Variants in TMEFF2 observed in about 807,000 individuals in gnomAD.
TMEFF2 encodes the protein transmembrane protein with EGF like and two follistatin like domains 2, also known as tomoregulin-2.
A neutral mutation model predicts 53.8 loss-of-function variants in TMEFF2; 28 were observed. The observed-to-expected ratio is 0.52, with a 90% CI of 0.39 to 0.71. The LOEUF (loss-of-function observed/expected upper bound fraction) is 0.71. Among genes scored for constraint, TMEFF2 ranks in the 30% least tolerant of loss-of-function variants. TMEFF2 has a pLI of 0.00. For missense variants in TMEFF2, 353 were observed against 455.2 expected, an observed-to-expected ratio of 0.78 and a Z score of 2.04; for synonymous variants, 162 against 166.3, an observed-to-expected ratio of 0.97 and a Z score of 0.20.
chr2:192,121,832 T>C (rs1356231122), intron 4 of TMEFF2, among the ~76,000 whole-genome samples: 1 of 152,144 alleles, frequency 6.6e-6, no homozygotes, highest in African/African-American at 2.4e-5. Flanking sequence ...ACAACAAGCA[T>C]AGGAGAGAAT....
At chr2:191,968,954 C>T (rs535681685) in intron 7 of TMEFF2, among the ~76,000 whole-genome samples, 1 of 152,226 alleles carries the variant, frequency 6.6e-6, no homozygotes, top group Admixed American at 6.5e-5. Flanking sequence ...GCCACCCAAG[C>T]CACCCAGAAG....
At chr2:191,996,350 A>G (rs2105832297) in intron 7 of TMEFF2, among the ~76,000 whole-genome samples, 1 of 152,104 alleles carries the variant, frequency 6.6e-6, no homozygotes, top group South Asian at 2.1e-4. Context: ...TAAAGAAGAT[A>G]TGCATAAATT....
chr2:192,191,184 C>T (rs1409890104), intron 2 of TMEFF2, among the ~76,000 whole-genome samples: 1 of 152,090 alleles, frequency 6.6e-6, no homozygotes, highest in African/African-American at 2.4e-5. Context: ...ATACTAATAA[C>T]CCAGTTTTGA....
At chr2:192,171,424 A>G (rs1292172930) in intron 4 of TMEFF2, among the ~76,000 whole-genome samples, 1 of 151,332 alleles carries the variant, frequency 6.6e-6, no homozygotes, top group African/African-American at 2.5e-5. Context: ...TTCTCAACAC[A>G]GCAGCCAGAG....
At chr2:192,128,901 C>T (rs1460603518) in intron 4 of TMEFF2, among the ~76,000 whole-genome samples, 5 of 152,182 alleles carry the variant, frequency 3.3e-5, no homozygotes, top group East Asian at 1.9e-4. Context: ...TGGCTTCCCC[C>T]GGGGAGGTAG....
chr2:192,184,401 T>C lies in TMEFF2; in HGVS notation c.365A>G (p.Lys122Arg), dbSNP rs1691261811. 1 of 1,613,470 alleles carries C rather than the reference T, an allele frequency of 6.2e-7. No homozygotes were observed. Among genetic ancestry groups the C allele is most frequent in the Admixed American group, 1.7e-5 (1 of 59,962 alleles). ...NECYLRQAAC[K>R]QQSEILVVSE... Reference sequence around the variant, plus strand: ...CACCACAAGTATCTCACTCTGCTGTTTGCATGCAGCCTGTCGCAGGTAACA... The same window carrying C: ...CACCACAAGTATCTCACTCTGCTGTCTGCATGCAGCCTGTCGCAGGTAACA... Residue 122 changes from lysine to arginine, a missense_variant, in exon 3 of 10, where the codon AAA (lysine) becomes AGA (arginine). Physicochemically the swap from Lys to Arg is conservative, Grantham distance 26. Around this residue, in one of 3 missense-constraint regions of TMEFF2, gnomAD observed 294 missense variants for 397.3 expected, o/e 0.74. Coordinates refer to ENST00000272771, the MANE Select transcript of TMEFF2 (RefSeq NM_016192.4).
At chr2:192,174,599 C>T (rs1471056182) in intron 4 of TMEFF2, among the ~76,000 whole-genome samples, 2 of 151,810 alleles carry the variant, frequency 1.3e-5, no homozygotes, top group African/African-American at 2.4e-5. Context: ...GATGGCTATA[C>T]GCTCATCTCC....
intron 4 of TMEFF2, among the ~76,000 whole-genome samples, chr2:192,103,152 G>A (rs185503460): frequency 7.2e-5 from 11 of 152,200 alleles, no homozygotes; most frequent in Middle Eastern, 3.4e-3. Flanking sequence ...TTCATCGAAC[G>A]TGGTACTTCT....
intron 5 of TMEFF2, among the ~76,000 whole-genome samples, chr2:192,045,133 T>G (rs949796196): frequency 1.3e-5 from 2 of 152,166 alleles, no homozygotes; most frequent in African/African-American, 4.8e-5. Context: ...CAGGCCTGAT[T>G]TACAGAAGAT....
At chr2:192,177,559 G>C (rs1216796509) in intron 4 of TMEFF2, 1 of 150,950 alleles carries the variant, frequency 6.6e-6, no homozygotes, top group African/African-American at 2.4e-5. Context: ...CAGAACTGCA[G>C]TTATTTAAAA....
intron 4 of TMEFF2, among the ~76,000 whole-genome samples, chr2:192,120,288 C>T (rs921295421): frequency 1.3e-5 from 2 of 152,126 alleles, no homozygotes; most frequent in Admixed American, 1.3e-4. Context: ...CCAGTTTCAG[C>T]CAGTTTGTAG....
intron 4 of TMEFF2, among the ~76,000 whole-genome samples, chr2:192,120,160 C>T (rs1197877105): frequency 2.6e-5 from 4 of 152,136 alleles, no homozygotes; most frequent in Non-Finnish European, 2.9e-5. Flanking sequence ...CACAGCCCTG[C>T]TAAATACCCT....
chr2:192,129,948 G>C (rs1689774482), intron 4 of TMEFF2, among the ~76,000 whole-genome samples: 1 of 152,110 alleles, frequency 6.6e-6, no homozygotes, highest in Admixed American at 6.5e-5. Flanking sequence ...CCTAGCATAG[G>C]TCACTTAGCT....
chr2:192,036,835 A>T (rs140728071), intron 5 of TMEFF2: 7 of 152,202 alleles, frequency 4.6e-5, no homozygotes, highest in Non-Finnish European at 7.3e-5. Context: ...TAAAATGTCA[A>T]TCCTCAGAGA....
intron 7 of TMEFF2, among the ~76,000 whole-genome samples, chr2:191,987,142 C>A (rs1458785110): frequency 6.6e-6 from 1 of 152,102 alleles, no homozygotes; most frequent in Non-Finnish European, 1.5e-5. Flanking sequence ...AGCCGTATAT[C>A]TGGCCTCCAC....
chr2:192,124,244 G>C (rs1247998441), intron 4 of TMEFF2, among the ~76,000 whole-genome samples: 1 of 152,224 alleles, frequency 6.6e-6, no homozygotes, highest in Non-Finnish European at 1.5e-5. Flanking sequence ...TGTCTAGTCT[G>C]AAAATTGGAG....
chr2:191,980,051 AAAT>A (rs1466884461), intron 7 of TMEFF2, among the ~76,000 whole-genome samples: 55 of 152,320 alleles, frequency 3.6e-4, no homozygotes, highest in African/African-American at 1.3e-3. Flanking sequence ...TTTACTCAAC[AAAT>A]AATTACTGAG....
intron 7 of TMEFF2, among the ~76,000 whole-genome samples, chr2:191,988,761 C>T: frequency 6.6e-6 from 1 of 151,258 alleles, no homozygotes; most frequent in East Asian, 1.9e-4. Flanking sequence ...AGCTTTCAAC[C>T]TCAGAAGATG....
chr2:192,097,146 T>C (rs1054842095), intron 4 of TMEFF2, among the ~76,000 whole-genome samples: 4 of 152,240 alleles, frequency 2.6e-5, no homozygotes, highest in African/African-American at 4.8e-5. Flanking sequence ...TAAGTATTTA[T>C]TGAGATGATT....
Sources: allele counts gnomAD v4.1 joint callset (sites outside exome capture counted in the v4.1 genomes callset), GRCh38; gene constraint gnomAD v4.1.1; regional missense constraint gnomAD v4.1.1; transcripts MANE v1.5; gene names NCBI Gene and HGNC (gene_info 2026-07-23, HGNC 2026-07-21).